C3orf33: variants seen among roughly 807,000 people sequenced by gnomAD.
C3orf33 encodes AP-1 activity suppressor.
Under a neutral mutation model 28.7 loss-of-function variants are expected in C3orf33, and 23 were observed. That is an observed-to-expected ratio of 0.80 (90% CI 0.58 to 1.13). The LOEUF (loss-of-function observed/expected upper bound fraction) is 1.13. Among genes scored for constraint, C3orf33 ranks in the 50% most tolerant of loss-of-function variants. C3orf33 has a pLI of 0.00. For synonymous variants in C3orf33, 119 were observed against 120.5 expected, an observed-to-expected ratio of 0.99 and a Z score of 0.08; for missense variants, 327 against 353.4, an observed-to-expected ratio of 0.93 and a Z score of 0.60.
chr3:155,766,898 C>A (rs1224979893), intron 4 of C3orf33, among the ~76,000 whole-genome samples: 1 of 152,062 alleles, frequency 6.6e-6, no homozygotes, highest in African/African-American at 2.4e-5. Flanking sequence ...TGCAGTGAGC[C>A]AAGATCATGC....
rs1024701423 is a variant in C3orf33, at chr3:155,764,237, G to A, written c.484-319C>T. 2.0e-4 allele frequency among the ~76,000 whole-genome samples: 30 copies of A among 152,218 alleles called. 1 individual carries two copies. The highest frequency in any genetic ancestry group is 1.8e-3 in the Admixed American group (28 of 15,276). On this transcript the variant is annotated intron_variant, in intron 4 of 4. Coordinates refer to ENST00000340171, the MANE Select transcript of C3orf33 (RefSeq NM_001308229.2). ...TTGGTCTGTTGGTGGTTCTGTGGAG[G>A]GGAAGTGGGACACCCAAGATAGGCA...
intron 4 of C3orf33, among the ~76,000 whole-genome samples, chr3:155,765,820 T>C (rs1750385639): frequency 6.6e-6 from 1 of 152,204 alleles, no homozygotes; most frequent in Non-Finnish European, 1.5e-5. Flanking sequence ...AGTGCTGGGA[T>C]TACAGGCATG....
intron 2 of C3orf33, among the ~76,000 whole-genome samples, chr3:155,798,662 C>T (rs1751550189): frequency 6.6e-6 from 1 of 152,058 alleles, no homozygotes; most frequent in African/African-American, 2.4e-5. Flanking sequence ...CAAACTATAA[C>T]TCTCCTACAA....
At position 155,767,618 on chromosome 3, in the gene C3orf33, T is replaced by G. The variant is rs374977209; in HGVS notation, c.374A>C (p.Glu125Ala). The change falls in exon 4 of 5, where the codon GAA becomes GCA. Residue 125 changes from glutamate to alanine, a missense_variant. By Grantham distance (107) the Glu-to-Ala change is moderately radical. Coordinates refer to ENST00000340171, the MANE Select transcript of C3orf33 (RefSeq NM_001308229.2). ...LVKLAGVELAETGKAWLQKEL... is the reference protein window; with the variant it reads ...LVKLAGVELAATGKAWLQKEL... ...TTTTTGTAACCATGCCTTCCCAGTT[T>G]CAGCGAGTTCTACTCCAGCCAACTT... is the stretch of plus-strand genomic sequence containing the variant. 6.3e-7 allele frequency: 1 copy of G among 1,588,768 alleles called. No individual in the cohort carries two copies.
intron 1 of C3orf33, among the ~76,000 whole-genome samples, chr3:155,805,158 T>TAAAAAA (rs57906262): frequency 1.4e-5 from 2 of 141,736 alleles, no homozygotes; most frequent in African/African-American, 2.6e-5. Flanking sequence ...GTGCTTCACT[T>TAAAAAA]AAAAAAAAAA....
chr3:155,788,339 A>C (rs1174252789), intron 2 of C3orf33, among the ~76,000 whole-genome samples: 1 of 152,132 alleles, frequency 6.6e-6, no homozygotes, highest in East Asian at 1.9e-4. Context: ...ATAACACTTA[A>C]GAAACTAAGA....
intron 2 of C3orf33, among the ~76,000 whole-genome samples, chr3:155,781,144 T>C (rs913859320): frequency 1.3e-5 from 2 of 151,592 alleles, no homozygotes; most frequent in Non-Finnish European, 2.9e-5. Context: ...ACTACAGGCG[T>C]CCGCCACCGC....
intron 3 of C3orf33, among the ~76,000 whole-genome samples, chr3:155,772,770 C>CTGTG (rs1406983545): frequency 2.4e-5 from 2 of 84,382 alleles, no homozygotes; most frequent in African/African-American, 4.3e-5. Context: ...AATTTTTAGG[C>CTGTG]TCTGTGTGTG....
chr3:155,800,610 CAAAAAAAA>C (rs58092818), intron 2 of C3orf33, among the ~76,000 whole-genome samples: 464 of 15,580 alleles, frequency 0.03, 1 homozygote, highest in African/African-American at 0.086. Context: ...ACCTTATCTC[CAAAAAAAA>C]AAAAAAAAAA....
intron 1 of C3orf33, 151 bp downstream of exon 1, chr3:155,805,988 T>A: frequency 1.9e-6 from 1 of 532,008 alleles, no homozygotes; most frequent in Non-Finnish European, 3.1e-6. Context: ...CACACGACAC[T>A]CGCGATGTCG....
At chr3:155,800,197 C>T (rs938838361) in intron 2 of C3orf33, among the ~76,000 whole-genome samples, 3 of 151,958 alleles carry the variant, frequency 2.0e-5, no homozygotes, top group Admixed American at 2.0e-4. Flanking sequence ...AATATATACA[C>T]CTAGTATGTA....
At chr3:155,789,859 G>C (rs914257470) in intron 2 of C3orf33, among the ~76,000 whole-genome samples, 8 of 152,042 alleles carry the variant, frequency 5.3e-5, no homozygotes, top group Non-Finnish European at 8.8e-5. Context: ...ACCACTCAAT[G>C]GGGAAAAGAC....
chr3:155,781,093 G>A (rs944414075), intron 2 of C3orf33, among the ~76,000 whole-genome samples: 3 of 150,658 alleles, frequency 2.0e-5, no homozygotes, highest in Non-Finnish European at 4.4e-5. Context: ...CGCTTCCCGG[G>A]TTCACGCCAT....
chr3:155,765,100 CAGG>C (rs1176156048), intron 4 of C3orf33, among the ~76,000 whole-genome samples: 2 of 152,160 alleles, frequency 1.3e-5, no homozygotes, highest in East Asian at 1.9e-4. Context: ...AAAATTCAAA[CAGG>C]AGAAGTAAAT....
At chr3:155,795,319 G>T (rs1323465602) in intron 2 of C3orf33, among the ~76,000 whole-genome samples, 1 of 152,218 alleles carries the variant, frequency 6.6e-6, no homozygotes, top group East Asian at 1.9e-4. Flanking sequence ...AGCCAGACGT[G>T]GTGGTGCATG....
rs950009214 is a variant in C3orf33, at chr3:155,795,727, G to A, written c.174+6805C>T. 6.0e-5 allele frequency among the ~76,000 whole-genome samples: 9 copies of A among 151,024 alleles called. No individual in the cohort carries two copies. In the South Asian group the frequency reaches 6.3e-4, roughly 11 times the overall value. On this transcript the variant is annotated intron_variant, in intron 2 of 4. Coordinates refer to ENST00000340171, the MANE Select transcript of C3orf33 (RefSeq NM_001308229.2). ...TTCCAGCACTTTAGGAGGCCAAGGC[G>A]GGCAGATCACCTGAGGTCAGGAATT...
At chr3:155,792,868 T>C (rs1471972286) in intron 2 of C3orf33, among the ~76,000 whole-genome samples, 2 of 152,128 alleles carry the variant, frequency 1.3e-5, no homozygotes, top group East Asian at 3.8e-4. Flanking sequence ...CTAAGAGTTA[T>C]TGGCCTTGAA....
chr3:155,779,116 A>G (rs1400160255), intron 2 of C3orf33, among the ~76,000 whole-genome samples: 1 of 152,200 alleles, frequency 6.6e-6, no homozygotes, highest in African/African-American at 2.4e-5. Flanking sequence ...GAGTAAAAGT[A>G]TAACATTGCT....
At chr3:155,786,215 G>A (rs979480990) in intron 2 of C3orf33, among the ~76,000 whole-genome samples, 2 of 151,040 alleles carry the variant, frequency 1.3e-5, no homozygotes, top group South Asian at 2.1e-4. Context: ...TTAAGGAAAT[G>A]GGGGGAAAAG....
Sources: gnomAD v4.1 joint callset for allele counts (sites outside exome capture counted in the v4.1 genomes callset) on GRCh38, gnomAD v4.1.1 for gene constraint, MANE v1.5 for transcripts, NCBI Gene and HGNC (gene_info 2026-07-23, HGNC 2026-07-21) for gene names.